Variants in GAP43 observed in about 807,000 individuals in gnomAD.
The protein encoded by GAP43 is growth associated protein 43.
In GAP43, 6 loss-of-function variants were observed where a neutral mutation model predicts 18.6. That is an observed-to-expected ratio of 0.32 (90% CI 0.18 to 0.64). GAP43 has a LOEUF of 0.64. Ranked by LOEUF, GAP43 falls within the 30% of genes least tolerant of loss-of-function variation. The pLI, the probability that GAP43 is intolerant of heterozygous loss-of-function variation, is 0.78. For missense variants in GAP43, 292 were observed against 295.5 expected, an observed-to-expected ratio of 0.99 and a Z score of 0.09; for synonymous variants, 115 against 111.4, an observed-to-expected ratio of 1.03 and a Z score of -0.20.
chr3:115,658,811 C>T (rs1481683833), intron 1 of GAP43: 1 of 152,320 alleles, frequency 6.6e-6, no homozygotes. Context: ...ACAAAAGCGT[C>T]AGCCCAGGGC....
chr3:115,674,635 C>A (rs1708857612), intron 1 of GAP43, among the ~76,000 whole-genome samples: 1 of 152,082 alleles, frequency 6.6e-6, no homozygotes, highest in Non-Finnish European at 1.5e-5. Flanking sequence ...GTTGCTTTTT[C>A]AAAAGGAGAA....
intron 1 of GAP43, among the ~76,000 whole-genome samples, chr3:115,669,576 A>G (rs1173225713): frequency 6.6e-6 from 1 of 152,192 alleles, no homozygotes; most frequent in Non-Finnish European, 1.5e-5. Context: ...TACCTCTTCT[A>G]TGTCTTTGTG....
chr3:115,625,755 T>C (rs1479280647), intron 1 of GAP43, among the ~76,000 whole-genome samples: 3 of 152,198 alleles, frequency 2.0e-5, no homozygotes, highest in Non-Finnish European at 2.9e-5. Flanking sequence ...AAGCATTCAC[T>C]CTGATGTGCA....
chr3:115,698,932 C>A (rs1311614578), intron 2 of GAP43, among the ~76,000 whole-genome samples: 12 of 152,104 alleles, frequency 7.9e-5, no homozygotes, highest in Non-Finnish European at 1.8e-4. Flanking sequence ...TTACGTATGA[C>A]AACAGAAAAT....
intron 1 of GAP43, among the ~76,000 whole-genome samples, chr3:115,630,262 G>C (rs1376316397): frequency 6.6e-6 from 1 of 152,156 alleles, no homozygotes; most frequent in East Asian, 1.9e-4. Flanking sequence ...GCTTAGGTGT[G>C]TGTGCTCAAA....
intron 1 of GAP43, among the ~76,000 whole-genome samples, chr3:115,649,459 G>T (rs1708497278): frequency 6.6e-6 from 1 of 152,060 alleles, no homozygotes; most frequent in Non-Finnish European, 1.5e-5. Flanking sequence ...TTTCAAGGTA[G>T]GGAGAAACCT....
At chr3:115,692,331 C>A (rs1321285065) in intron 2 of GAP43, among the ~76,000 whole-genome samples, 1 of 152,144 alleles carries the variant, frequency 6.6e-6, no homozygotes, top group Non-Finnish European at 1.5e-5. Context: ...TACTGTCATT[C>A]AATTAATTTG....
intron 1 of GAP43, among the ~76,000 whole-genome samples, chr3:115,651,428 C>T (rs1322409430): frequency 6.6e-6 from 1 of 152,108 alleles, no homozygotes; most frequent in Non-Finnish European, 1.5e-5. Context: ...TTTTTGTGTT[C>T]ATTTGGCAAG....
intron 1 of GAP43, among the ~76,000 whole-genome samples, chr3:115,624,036 G>C (rs1239833423): frequency 6.6e-6 from 1 of 152,048 alleles, no homozygotes; most frequent in Non-Finnish European, 1.5e-5. Context: ...GTAGAAAGGG[G>C]TGTGGGGGAG....
chr3:115,627,353 A>C (rs1367492248), intron 1 of GAP43, among the ~76,000 whole-genome samples: 1 of 151,288 alleles, frequency 6.6e-6, no homozygotes, highest in Non-Finnish European at 1.5e-5. Context: ...CTGGAATAAG[A>C]AAATGCAGAG....
chr3:115,706,496 A>C (rs114198250), intron 2 of GAP43, among the ~76,000 whole-genome samples: 1,752 of 152,274 alleles, frequency 0.012, 34 homozygotes, highest in African/African-American at 0.04. Flanking sequence ...TTGTTTGTTT[A>C]ATCAACTGGC....
At chr3:115,683,143 G>GCACACACACACACACACACACA (rs1263644111) in intron 2 of GAP43, among the ~76,000 whole-genome samples, 1 of 126,046 alleles carries the variant, frequency 7.9e-6, no homozygotes, top group Non-Finnish European at 1.7e-5. Context: ...GTGCGCGCGC[G>GCACACACACACACACACACACA]CGCGCACACA....
chr3:115,656,371 C>T (rs1267235058), intron 1 of GAP43, among the ~76,000 whole-genome samples: 3 of 152,044 alleles, frequency 2.0e-5, no homozygotes, highest in African/African-American at 7.2e-5. Flanking sequence ...TGGTTCAGGT[C>T]TAAGGACCAT....
rs1212264734 is a variant in GAP43 at position 115,644,128 on chromosome 3, C to A, written c.30+20409C>A. ...GAAAGAAGAATTTGGTCCTGCTCAC[C>A]ACTACAAAATGCCTATTTATTTCTC... On this transcript the variant is annotated intron_variant, in intron 1 of 2. Coordinates refer to ENST00000305124, the MANE Select transcript of GAP43 (RefSeq NM_002045.4). This position sits in a 1 kb window ranked among gnomAD's most constrained non-coding sequence, Gnocchi z 4.2. Among the ~76,000 whole-genome samples, 1 of 152,012 alleles carries A rather than the reference C, an allele frequency of 6.6e-6. No individual in the cohort carries two copies. Among genetic ancestry groups the A allele is most frequent in the Non-Finnish European group, 1.5e-5 (1 of 67,968 alleles).
At chr3:115,716,717 A>AT (rs1709507824) in intron 2 of GAP43, among the ~76,000 whole-genome samples, 1,458 of 43,936 alleles carry the variant, frequency 0.033, 329 homozygotes, top group East Asian at 0.059. Flanking sequence ...ATCTCAGACA[A>AT]ATATATATAT....
intron 2 of GAP43, among the ~76,000 whole-genome samples, chr3:115,706,927 T>G (rs1709371771): frequency 6.6e-6 from 1 of 152,184 alleles, no homozygotes; most frequent in Non-Finnish European, 1.5e-5. Flanking sequence ...TTTTAAAATG[T>G]TTATTGTCAT....
At chr3:115,643,079 C>T (rs1708416491) in intron 1 of GAP43, among the ~76,000 whole-genome samples, 2 of 152,036 alleles carry the variant, frequency 1.3e-5, no homozygotes. Context: ...TTAGCCTTAT[C>T]TTACAGATGT....
chr3:115,685,964 C>T (rs113185399), intron 2 of GAP43, among the ~76,000 whole-genome samples: 6 of 152,244 alleles, frequency 3.9e-5, no homozygotes, highest in South Asian at 4.2e-4. Flanking sequence ...ATATCTGCAG[C>T]GGCATGCTGG....
intron 1 of GAP43, among the ~76,000 whole-genome samples, chr3:115,646,077 C>T (rs1248214447): frequency 6.6e-6 from 1 of 152,070 alleles, no homozygotes; most frequent in Non-Finnish European, 1.5e-5. Context: ...TGGATTATGC[C>T]TCTTGCCAAG....
Sources: allele counts gnomAD v4.1 joint callset (sites outside exome capture counted in the v4.1 genomes callset), GRCh38; gene constraint gnomAD v4.1.1; non-coding constraint Gnocchi (gnomAD v3.1); transcripts MANE v1.5; gene names NCBI Gene and HGNC (gene_info 2026-07-23, HGNC 2026-07-21).